The following DCLK1 variants were observed in gnomAD, a reference collection of about 807,000 sequenced individuals.
DCLK1 encodes doublecortin like kinase 1.
In DCLK1, 16 loss-of-function variants were observed where a neutral mutation model predicts 86.2. The ratio of observed to expected loss-of-function variants is 0.19; its 90% CI spans 0.13 to 0.28. DCLK1 has a LOEUF of 0.28. Ranked by LOEUF, DCLK1 falls within the 10% of genes least tolerant of loss-of-function variation. The probability of loss-of-function intolerance (pLI) is 1.00; values close to 1 mark genes in which losing one functional copy is unlikely to be tolerated. For missense variants in DCLK1, 590 were observed against 940.2 expected (o/e 0.63, Z 4.87); for synonymous variants, 369 against 370.5 (o/e 1.00, Z 0.05).
At chr13:36,037,055 C>G (rs961240060) in intron 3 of DCLK1, among the ~76,000 whole-genome samples, 2 of 151,972 alleles carry the variant, frequency 1.3e-5, no homozygotes, top group Non-Finnish European at 2.9e-5. Context: ...GAATATTATT[C>G]AGCCATAAAA....
At chr13:35,934,079 G>A (rs1876619461) in intron 4 of DCLK1, among the ~76,000 whole-genome samples, 1 of 152,074 alleles carries the variant, frequency 6.6e-6, no homozygotes, top group African/African-American at 2.4e-5. Flanking sequence ...TCTAGGTCAG[G>A]GGGAAAATGC....
intron 11 of DCLK1, among the ~76,000 whole-genome samples, chr13:35,813,244 C>T (rs2087188824): frequency 6.6e-6 from 1 of 152,132 alleles, no homozygotes; most frequent in African/African-American, 2.4e-5. Flanking sequence ...ATTCTGTGTG[C>T]TTTGTGAGGT....
chr13:36,128,295 T>C (rs534756932), intron 1 of DCLK1, among the ~76,000 whole-genome samples: 34 of 152,302 alleles, frequency 2.2e-4, no homozygotes, highest in African/African-American at 6.5e-4. Context: ...ACAAGGTAGG[T>C]AATATTATTA....
At chr13:35,916,246 T>A (rs771972336) in intron 4 of DCLK1, among the ~76,000 whole-genome samples, 3 of 152,226 alleles carry the variant, frequency 2.0e-5, no homozygotes, top group Non-Finnish European at 4.4e-5. Flanking sequence ...CAGAAACTGA[T>A]CAGCTATATT....
At chr13:35,779,461 C>T (rs1174982388) in intron 16 of DCLK1, among the ~76,000 whole-genome samples, 1 of 152,158 alleles carries the variant, frequency 6.6e-6, no homozygotes, top group Non-Finnish European at 1.5e-5. Context: ...GAATTTGAAA[C>T]TTCTTTGCAT....
chr13:36,070,671 G>T (rs939914279), intron 3 of DCLK1, among the ~76,000 whole-genome samples: 1 of 150,618 alleles, frequency 6.6e-6, no homozygotes, highest in Non-Finnish European at 1.5e-5. Context: ...ATGGAGTGTC[G>T]CTCTTTGTTG....
At chr13:35,867,705 T>A (rs1940482234) in intron 5 of DCLK1, among the ~76,000 whole-genome samples, 1 of 152,118 alleles carries the variant, frequency 6.6e-6, no homozygotes, top group Admixed American at 6.6e-5. Flanking sequence ...CAATGCTGAA[T>A]AGTGATTACA....
intron 4 of DCLK1, among the ~76,000 whole-genome samples, chr13:35,900,666 C>T (rs936209409): frequency 6.6e-5 from 10 of 152,156 alleles, no homozygotes; most frequent in African/African-American, 1.7e-4. Context: ...TTCTTTGTTT[C>T]GGGGAGCTGT....
chr13:36,082,160 A>T (rs1409247115), intron 3 of DCLK1, among the ~76,000 whole-genome samples: 1 of 151,216 alleles, frequency 6.6e-6, no homozygotes, highest in Non-Finnish European at 1.5e-5. Flanking sequence ...CACCTCCTCC[A>T]CCTCTTCTGA....
intron 10 of DCLK1, 124 bp from the exon 11 acceptor site, chr13:35,822,999 G>C (rs1467548385): frequency 8.8e-7 from 1 of 1,135,430 alleles, no homozygotes; most frequent in Non-Finnish European, 1.2e-6. Flanking sequence ...GTTCCTAAAG[G>C]CTTTTCCTGC....
chr13:35,803,403 G>C (rs2086962038), intron 15 of DCLK1, among the ~76,000 whole-genome samples: 1 of 152,150 alleles, frequency 6.6e-6, no homozygotes, highest in South Asian at 2.1e-4. Context: ...CTGTCCCTAG[G>C]GCCATGGGGA....
chr13:35,953,223 T>A (rs1337489860), intron 3 of DCLK1, among the ~76,000 whole-genome samples: 3 of 152,094 alleles, frequency 2.0e-5, no homozygotes, highest in African/African-American at 7.2e-5. Context: ...ATTTTACAGA[T>A]GAAAAATCCA....
chr13:36,104,557 C>T (rs1885326861), intron 3 of DCLK1, among the ~76,000 whole-genome samples: 1 of 152,108 alleles, frequency 6.6e-6, no homozygotes, highest in South Asian at 2.1e-4. Context: ...TAGGTTCTTG[C>T]TTTGCAGAGC....
rs1026849070 is a variant in DCLK1 at position 36,121,205 on chromosome 13, G to A, written c.376+4557C>T. Among the ~76,000 whole-genome samples, 9 of 152,338 alleles carry A rather than the reference G, an allele frequency of 5.9e-5. No individual in the cohort carries two copies. The East Asian group carries it at 1.3e-3, about 23-fold the overall frequency. On this transcript the variant is annotated intron_variant, in intron 2 of 16. Coordinates refer to ENST00000360631, the MANE Select transcript of DCLK1 (RefSeq NM_001330071.2). ...GTAAAAGAACACAGTAGTTTTGGAT[G>A]TACCAGTATGGAAAGGTCTTCAGGA...
intron 3 of DCLK1, among the ~76,000 whole-genome samples, chr13:35,986,215 T>C (rs1178749680): frequency 2.2e-5 from 3 of 136,604 alleles, no homozygotes; most frequent in Non-Finnish European, 4.5e-5. Context: ...GGCAGGAGAA[T>C]CGTTTGAACC....
chr13:36,018,793 T>G (rs1881638131), intron 3 of DCLK1, among the ~76,000 whole-genome samples: 1 of 152,202 alleles, frequency 6.6e-6, no homozygotes, highest in South Asian at 2.1e-4. Context: ...CATCCATATT[T>G]ACTTTGCTGT....
At position 35,911,823 on chromosome 13, in the gene DCLK1, T is replaced by C. The variant is rs115791784; in HGVS notation, c.823+35535A>G. 1.3e-3 allele frequency among the ~76,000 whole-genome samples: 201 copies of C among 152,242 alleles called. 1 individual carries two copies. Among genetic ancestry groups the C allele is most frequent in the Middle Eastern group, 0.01 (3 of 294 alleles). On this transcript the variant is annotated intron_variant, in intron 4 of 16. Transcript: ENST00000360631. ...CTTATACAGAGATCCAGAGAGCTGA[T>C]TGGATAAAACAGCATCTGGCCCCAG...
At chr13:35,855,785 A>C (rs1871017260) in intron 5 of DCLK1, 1 of 1,272,800 alleles carries the variant, frequency 7.9e-7, no homozygotes, top group African/African-American at 1.5e-5. Context: ...TCTTGCCAAC[A>C]GCAACCCCCA....
At chr13:35,898,950 A>C (rs1347351347) in intron 4 of DCLK1, among the ~76,000 whole-genome samples, 1 of 152,116 alleles carries the variant, frequency 6.6e-6, no homozygotes, top group East Asian at 1.9e-4. Context: ...TATGTTGCCC[A>C]GGCTGGTCTC....
Sources: allele counts gnomAD v4.1 joint callset (sites outside exome capture counted in the v4.1 genomes callset), GRCh38; gene constraint gnomAD v4.1.1; transcripts MANE v1.5; gene names NCBI Gene and HGNC (gene_info 2026-07-23, HGNC 2026-07-21).